Variants in MID1 observed in about 807,000 individuals in gnomAD.
The protein encoded by MID1 is midline 1.
A neutral mutation model predicts 40.4 loss-of-function variants in MID1; 7 were observed. The observed-to-expected ratio is 0.17, with a 90% CI of 0.10 to 0.33. The LOEUF (loss-of-function observed/expected upper bound fraction) is 0.33. MID1 is among the 10% of genes least tolerant of loss of function. The probability of loss-of-function intolerance (pLI) is 1.00; values close to 1 mark genes in which losing one functional copy is unlikely to be tolerated. For synonymous variants in MID1, 229 were observed against 221.2 expected (o/e 1.04, Z -0.31); for missense variants, 367 against 558.5 (o/e 0.66, Z 3.46).
chrX:10,695,326 C>A (rs757871143), intron 1 of MID1, among the ~76,000 whole-genome samples: 1 of 111,206 alleles, frequency 9.0e-6, no homozygotes, highest in South Asian at 3.8e-4. Flanking sequence ...GGGTTTTCAC[C>A]ATGTTGCCCA....
chrX:10,569,621 T>C (rs1934666848), intron 1 of MID1, among the ~76,000 whole-genome samples: 2 of 112,353 alleles, frequency 1.8e-5, no homozygotes, highest in African/African-American at 6.5e-5. Flanking sequence ...TGTTCTCAGA[T>C]AAAACAAGAA....
At chrX:10,686,247 G>A (rs1258979224) in intron 1 of MID1, among the ~76,000 whole-genome samples, 1 of 111,150 alleles carries the variant, frequency 9.0e-6, no homozygotes, top group Admixed American at 9.6e-5. Context: ...CTTAAGGCTC[G>A]GGTGTGCTGG....
chrX:10,520,278 C>T (rs184120643), intron 3 of MID1, among the ~76,000 whole-genome samples: 25 of 111,808 alleles, frequency 2.2e-4, no homozygotes, highest in Non-Finnish European at 3.2e-4. Context: ...TAGGAACAAA[C>T]AAATGTTGCC....
At chrX:10,621,525 A>G (rs1935933900), upstream of MID1, among the ~76,000 whole-genome samples, 1 of 112,036 alleles carries the variant, frequency 8.9e-6, no homozygotes, top group Admixed American at 9.5e-5. Flanking sequence ...CTAATGGCAT[A>G]TTTTCCCCCA....
upstream of MID1, among the ~76,000 whole-genome samples, chrX:10,623,122 G>C (rs1228365719): frequency 9.5e-6 from 1 of 105,597 alleles, no homozygotes; most frequent in African/African-American, 3.5e-5. Context: ...ATGGTGGTGT[G>C]TGCCTGTAGT....
At chrX:10,812,376 T>A (rs1023205145) in intron 1 of MID1, among the ~76,000 whole-genome samples, 1 of 111,208 alleles carries the variant, frequency 9.0e-6, no homozygotes, top group East Asian at 2.8e-4. Flanking sequence ...GAAAGAGAAA[T>A]GACAAAGAAA....
At chrX:10,527,814 A>G (rs59282995) in intron 2 of MID1, among the ~76,000 whole-genome samples, 1,618 of 111,530 alleles carry the variant, frequency 0.015, 33 homozygotes, top group African/African-American at 0.046. Flanking sequence ...GAGGCAGCAC[A>G]TGGGTCCACA....
intron 3 of MID1, among the ~76,000 whole-genome samples, chrX:10,522,310 A>G (rs1240422839): frequency 8.9e-6 from 1 of 112,053 alleles, no homozygotes; most frequent in East Asian, 2.8e-4. Context: ...AACTCCAAGA[A>G]TTGCCTGCAA....
intron 1 of MID1, among the ~76,000 whole-genome samples, chrX:10,800,015 G>A (rs748471981): frequency 7.3e-5 from 8 of 110,199 alleles, no homozygotes; most frequent in African/African-American, 2.6e-4. Context: ...TAAATGCTGT[G>A]GTAGATATCT....
intron 4 of MID1, among the ~76,000 whole-genome samples, chrX:10,489,788 C>T (rs934092145): frequency 9.2e-5 from 10 of 108,411 alleles, no homozygotes; most frequent in Admixed American, 8.8e-4. Flanking sequence ...CTCCGCCTCC[C>T]GGATTCACGC....
chrX:10,565,991 G>A (rs1461229413), intron 2 of MID1, among the ~76,000 whole-genome samples: 1 of 109,982 alleles, frequency 9.1e-6, no homozygotes, highest in Non-Finnish European at 1.9e-5. Context: ...TTTATTTTTA[G>A]TAGAGATGGG....
At chrX:10,755,048 G>C (rs1021782522) in intron 1 of MID1, among the ~76,000 whole-genome samples, 24 of 111,857 alleles carry the variant, frequency 2.1e-4, no homozygotes, top group Admixed American at 2.0e-3. Context: ...TAATCCTACA[G>C]TGACATTGAT....
chrX:10,739,448 G>T (rs1356979512), intron 1 of MID1, among the ~76,000 whole-genome samples: 1 of 112,075 alleles, frequency 8.9e-6, no homozygotes, highest in Non-Finnish European at 1.9e-5. Context: ...TAGTCCAGTG[G>T]AAAAATTCTA....
At chrX:10,475,696 T>TTA (rs1182414564) in intron 5 of MID1, among the ~76,000 whole-genome samples, 3 of 112,270 alleles carry the variant, frequency 2.7e-5, no homozygotes, top group African/African-American at 9.7e-5. Context: ...TTAAGAGCTA[T>TTA]TATATGCGGA....
intron 7 of MID1, among the ~76,000 whole-genome samples, chrX:10,465,200 T>TAC (rs1250596327): frequency 1.1e-4 from 7 of 65,203 alleles, no homozygotes; most frequent in African/African-American, 5.4e-4. Flanking sequence ...TATATATATA[T>TAC]ATATATATAT....
intron 2 of MID1, among the ~76,000 whole-genome samples, chrX:10,527,670 A>C (rs190609499): frequency 1.8e-5 from 2 of 111,001 alleles, no homozygotes; most frequent in African/African-American, 6.6e-5. Flanking sequence ...GAGTAAGAAG[A>C]AGCTGATGTT....
intron 3 of MID1, among the ~76,000 whole-genome samples, chrX:10,518,022 A>G (rs1340615126): frequency 1.8e-5 from 2 of 112,143 alleles, no homozygotes; most frequent in African/African-American, 6.5e-5. Context: ...CTCCAACCGC[A>G]CTACCAAAAT....
Position 10,449,267 on chromosome X carries a change from T to G in MID1, c.*101A>C. ...TGAGCCGATTTCGGGACACTTCTGG[T>G]GAGATTTCATTACACTCATGAAGCC... On this transcript the variant is annotated 3_prime_UTR_variant, in exon 10 of 10. Coordinates refer to ENST00000317552, the MANE Select transcript of MID1 (RefSeq NM_000381.4). 54 of 722,301 alleles carry G rather than the reference T, an allele frequency of 7.5e-5. No individual in the cohort carries two copies. The highest frequency in any genetic ancestry group is 1.0e-4 in the Non-Finnish European group (48 of 480,769). The allele number at this position is 722,301 out of a possible 1,213,427, so 59.5% of individuals were successfully genotyped here. A position where few individuals can be genotyped will look rare whatever the true frequency, so the allele number is the denominator to read the frequency against.
chrX:10,463,106 AC>A (rs1307448516), intron 7 of MID1, among the ~76,000 whole-genome samples: 1 of 112,472 alleles, frequency 8.9e-6, no homozygotes, highest in Non-Finnish European at 1.9e-5. Context: ...AACGTGGCAA[AC>A]GTTGTAAAAT....
Sources: allele counts gnomAD v4.1 joint callset (sites outside exome capture counted in the v4.1 genomes callset), GRCh38; gene constraint gnomAD v4.1.1; transcripts MANE v1.5; gene names NCBI Gene and HGNC (gene_info 2026-07-23, HGNC 2026-07-21).